Variants in ITGAM observed in about 807,000 individuals in gnomAD.
ITGAM encodes the protein integrin subunit alpha M.
ITGAM carries 79 observed loss-of-function variants against 137.5 expected under a neutral mutation model. The observed-to-expected ratio is 0.57, with a 90% CI of 0.48 to 0.69. The LOEUF (loss-of-function observed/expected upper bound fraction) is 0.69. Ranked by LOEUF, ITGAM falls within the 30% of genes least tolerant of loss-of-function variation. ITGAM has a pLI of 0.00. For synonymous variants in ITGAM, 583 were observed against 592.3 expected, an observed-to-expected ratio of 0.98 and a Z score of 0.23; for missense variants, 1,343 against 1,483.5, an observed-to-expected ratio of 0.91 and a Z score of 1.56.
chr16:31,285,650 A>T (rs1364360640), intron 12 of ITGAM, among the ~76,000 whole-genome samples: 2 of 151,972 alleles, frequency 1.3e-5, no homozygotes, highest in Non-Finnish European at 2.9e-5. Flanking sequence ...TAAAAAAAAA[A>T]TTTCAAGTTT....
At chr16:31,311,249 G>A (rs1597024281) in intron 14 of ITGAM, among the ~76,000 whole-genome samples, 3 of 152,036 alleles carry the variant, frequency 2.0e-5, no homozygotes, top group African/African-American at 7.2e-5. Context: ...CTAAAACATC[G>A]AAAGCAATGG....
rs144975789 is a variant in ITGAM, at chr16:31,288,043, A to G, written c.1357-9471A>G. ...GCAAATGGGAGGGGCACCCACAGAA[A>G]GGCAGTATGGAAGCCTTCCTGGTGG... On this transcript the variant is annotated intron_variant, in intron 12 of 29. Coordinates refer to ENST00000544665, the MANE Select transcript of ITGAM (RefSeq NM_000632.4). Among the ~76,000 whole-genome samples, 937 of 152,264 alleles carry G rather than the reference A, an allele frequency of 6.2e-3. 8 individuals carry two copies. The highest frequency in any genetic ancestry group is 0.011 in the Non-Finnish European group (749 of 68,018).
At chr16:31,267,748 G>A (rs746072121) in intron 5 of ITGAM, among the ~76,000 whole-genome samples, 1 of 151,908 alleles carries the variant, frequency 6.6e-6, no homozygotes, top group Non-Finnish European at 1.5e-5. Flanking sequence ...TGCCTCCTGT[G>A]CTCAAGAAAT....
rs375852711 is a variant in ITGAM, at chr16:31,297,517, G to A, written c.1360G>A (p.Gly454Ser). The change falls in exon 13 of 30, where the codon GGC (glycine) becomes AGC (serine). Residue 454 changes from glycine to serine, a missense_variant. Gly to Ser is a moderately conservative substitution (Grantham distance 56, BLOSUM62 0). Transcript: ENST00000544665. Reference sequence around the variant, plus strand: ...ATTACGGTCCTGTCTCTTTCAGATCGGCGCCTACTTCGGGGCCTCCCTCTG... The same window carrying A: ...ATTACGGTCCTGTCTCTTTCAGATCAGCGCCTACTTCGGGGCCTCCCTCTG... ...SNANVKGTQI[G>S]AYFGASLCSV... 20 of 1,611,842 alleles carry A rather than the reference G, an allele frequency of 1.2e-5. No individual in the cohort carries two copies. Among genetic ancestry groups the A allele is most frequent in the Non-Finnish European group, 1.6e-5 (19 of 1,179,836 alleles).
At chr16:31,305,652 A>G (rs2080257056) in intron 14 of ITGAM, among the ~76,000 whole-genome samples, 3 of 151,958 alleles carry the variant, frequency 2.0e-5, no homozygotes, top group Non-Finnish European at 2.9e-5. Context: ...AATTTATTGA[A>G]AGCCTTTTTT....
chr16:31,269,845 AC>A (rs2079808857), intron 5 of ITGAM, among the ~76,000 whole-genome samples: 1 of 152,090 alleles, frequency 6.6e-6, no homozygotes, highest in Non-Finnish European at 1.5e-5. Context: ...ATGGGAGAAC[AC>A]CCGGACCTCA....
chr16:31,274,091 CACA>C (rs1386744082), intron 8 of ITGAM, among the ~76,000 whole-genome samples: 10 of 152,314 alleles, frequency 6.6e-5, no homozygotes, highest in South Asian at 2.1e-4. Context: ...TGTGTTTTTC[CACA>C]ACATCTTTCG....
intron 14 of ITGAM, among the ~76,000 whole-genome samples, chr16:31,306,407 T>C (rs2080265207): frequency 2.0e-5 from 3 of 152,132 alleles, no homozygotes; most frequent in Admixed American, 1.3e-4. Flanking sequence ...AACTGAATAT[T>C]TGAAGCTAAT....
chr16:31,299,780 C>T (rs1376391946), intron 14 of ITGAM, among the ~76,000 whole-genome samples: 4 of 143,748 alleles, frequency 2.8e-5, no homozygotes, highest in African/African-American at 1.1e-4. Context: ...CCTCCTCCTC[C>T]TCCGCCTCCC....
intron 12 of ITGAM, among the ~76,000 whole-genome samples, chr16:31,291,268 C>T (rs1293453934): frequency 1.3e-5 from 2 of 152,072 alleles, no homozygotes; most frequent in African/African-American, 4.8e-5. Flanking sequence ...TTCTATATCT[C>T]GACTATTGTG....
rs1388693656 is a variant in ITGAM at position 31,271,932 on chromosome 16, T to G, written c.644T>G (p.Val215Gly). The change falls in exon 7 of 30, where the codon GTG (valine) becomes GGG (glycine). Residue 215 changes from valine (V) to glycine (G), a missense_variant. Val to Gly is a moderately radical substitution (Grantham distance 109, BLOSUM62 -3). Coordinates refer to ENST00000544665, the MANE Select transcript of ITGAM (RefSeq NM_000632.4). ...AACAACCCTAACCCAAGATCACTGG[T>G]GAAGCCAATAACGCAGCTGCTTGGG... ...FQNNPNPRSLVKPITQLLGRT... is the reference protein window; with the variant it reads ...FQNNPNPRSLGKPITQLLGRT... 1.9e-6 allele frequency: 3 copies of G among 1,613,968 alleles called. No individual in the cohort carries two copies. The highest frequency in any genetic ancestry group is 1.7e-6 in the Non-Finnish European group (2 of 1,179,874).
At chr16:31,329,752 G>T in intron 24 of ITGAM, 46 bp from the exon 25 acceptor site, 1 of 1,498,416 alleles carries the variant, frequency 6.7e-7, no homozygotes, top group Non-Finnish European at 9.1e-7. Flanking sequence ...CTCCAGGCTG[G>T]TGGGGGAGGA....
At chr16:31,271,360 C>T (rs1229533536) in intron 6 of ITGAM, among the ~76,000 whole-genome samples, 1 of 152,110 alleles carries the variant, frequency 6.6e-6, no homozygotes, top group Non-Finnish European at 1.5e-5. Flanking sequence ...ATTTTTATTT[C>T]TTATTTTTTT....
intron 12 of ITGAM, among the ~76,000 whole-genome samples, chr16:31,283,279 G>A (rs2079990083): frequency 6.6e-6 from 1 of 152,180 alleles, no homozygotes; most frequent in Non-Finnish European, 1.5e-5. Flanking sequence ...TTGCTAGATT[G>A]GGGAAGTTCT....
chr16:31,276,840 A>C, intron 10 of ITGAM, 80 bp from the exon 11 acceptor site: 1 of 1,583,864 alleles, frequency 6.3e-7, no homozygotes, highest in Admixed American at 1.8e-5. Context: ...TCTGTGATAG[A>C]TACTTGGGAA....
chr16:31,293,259 T>C (rs1301170022), intron 12 of ITGAM, among the ~76,000 whole-genome samples: 2 of 152,138 alleles, frequency 1.3e-5, no homozygotes, highest in East Asian at 3.9e-4. Flanking sequence ...TTAGATGCCA[T>C]TTGTCAATTT....
chr16:31,279,436 G>T (rs1209803210), intron 12 of ITGAM, among the ~76,000 whole-genome samples: 1 of 152,136 alleles, frequency 6.6e-6, no homozygotes, highest in Non-Finnish European at 1.5e-5. Flanking sequence ...CATTCTAACT[G>T]GTGTGAGATA....
At chr16:31,265,299 T>G (rs2079751860) in intron 2 of ITGAM, 96 bp from the exon 3 acceptor site, 1 of 541,672 alleles carries the variant, frequency 1.8e-6, no homozygotes, top group Admixed American at 4.1e-5. Flanking sequence ...AATCCGGGTA[T>G]GGGCCCCCAC....
At chr16:31,327,681 G>C (rs528606100) in intron 22 of ITGAM, among the ~76,000 whole-genome samples, 1 of 151,926 alleles carries the variant, frequency 6.6e-6, no homozygotes, top group Admixed American at 6.6e-5. Flanking sequence ...AACTGAGGGC[G>C]GGCATGAAGA....
Sources: allele counts gnomAD v4.1 joint callset (sites outside exome capture counted in the v4.1 genomes callset), GRCh38; gene constraint gnomAD v4.1.1; transcripts MANE v1.5; gene names NCBI Gene and HGNC (gene_info 2026-07-23, HGNC 2026-07-21).